The following ATP2A2 variants were observed in gnomAD, a reference collection of about 807,000 sequenced individuals.
ATP2A2 encodes the protein ATPase sarcoplasmic/endoplasmic reticulum Ca2+ transporting 2.
A neutral mutation model predicts 109.3 loss-of-function variants in ATP2A2; 14 were observed. The observed-to-expected ratio is 0.13, with a 90% CI of 0.08 to 0.20. The LOEUF is 0.20. Ranked by LOEUF, ATP2A2 falls within the 10% of genes least tolerant of loss-of-function variation. The probability of loss-of-function intolerance (pLI) is 1.00; values close to 1 mark genes in which losing one functional copy is unlikely to be tolerated. For synonymous variants in ATP2A2, 506 were observed against 490.9 expected, an observed-to-expected ratio of 1.03 and a Z score of -0.41; for missense variants, 657 against 1,321.6, an observed-to-expected ratio of 0.50 and a Z score of 7.80.
At chr12:110,338,792 CT>C (rs1374360651) in intron 11 of ATP2A2, among the ~76,000 whole-genome samples, 2 of 152,308 alleles carry the variant, frequency 1.3e-5, no homozygotes, top group East Asian at 3.9e-4. Context: ...CCCATAATGA[CT>C]TTTGAGGTCT....
chr12:110,348,415 ATG>A lies in ATP2A2; in HGVS notation c.*1947_*1948del. 1 of 985,454 alleles carries A rather than the reference ATG, an allele frequency of 1.0e-6. No individual in the cohort carries two copies. Among genetic ancestry groups the A allele is most frequent in the South Asian group, 4.7e-5 (1 of 21,282 alleles). The allele number at this position is 985,454 out of a possible 1,614,324, so 61.0% of individuals were successfully genotyped here. A position where few individuals can be genotyped will look rare whatever the true frequency, so the allele number is the denominator to read the frequency against. On this transcript the variant is annotated 3_prime_UTR_variant, in exon 20 of 20. Transcript: ENST00000539276. ...TGAGGCCTCGACTATATTCTTCAAAATGTACTTAGGCTCTGGTTACTGGGATG... is the reference window on the plus strand; with the variant it reads ...TGAGGCCTCGACTATATTCTTCAAAATACTTAGGCTCTGGTTACTGGGATG...
chr12:110,282,158 C>G (rs541686159), intron 1 of ATP2A2, among the ~76,000 whole-genome samples: 1 of 152,178 alleles, frequency 6.6e-6, no homozygotes, highest in African/African-American at 2.4e-5. Context: ...TCTCCAGCAG[C>G]AGCCGGCCCC....
Position 110,324,090 on chromosome 12 carries a change from G to A in ATP2A2, c.544+1018G>A, listed in dbSNP as rs574998857. Among the ~76,000 whole-genome samples, 6 of 152,308 alleles carry A rather than the reference G, an allele frequency of 3.9e-5. 1 individual carries two copies. Among genetic ancestry groups the A allele is most frequent in the Admixed American group, 3.3e-4 (5 of 15,294 alleles). On this transcript the variant is annotated intron_variant, in intron 6 of 19. Transcript: ENST00000539276. ...TGTGATAAAAGCACAATCTAGGGTG[G>A]AGGGTTCATACTAACTGGAAGTAAG...
In ATP2A2 at chr12:110,346,976, T is replaced by A; in HGVS notation, c.*506T>A. 9.1e-7 allele frequency: 1 copy of A among 1,101,288 alleles called. No homozygotes were observed. The highest frequency in any genetic ancestry group is 1.1e-6 in the Non-Finnish European group (1 of 900,152). 68.2% of individuals were successfully genotyped at this position (1,101,288 alleles called of 1,614,324 possible). ...AGAGTCTTGCTACCTCAGTCAGTAT[T>A]GTTTTGGTTTGCTACTTCCCTCACC... On this transcript the variant is annotated 3_prime_UTR_variant, in exon 20 of 20. Transcript: ENST00000539276.
chr12:110,346,262 T>G lies in ATP2A2; in HGVS notation c.2921T>G (p.Leu974Trp). 6.2e-7 allele frequency: 1 copy of G among 1,614,156 alleles called. No homozygotes were observed. The highest frequency in any genetic ancestry group is 8.5e-7 in the Non-Finnish European group (1 of 1,180,022). Residue 974 changes from leucine to tryptophan, a missense_variant, in exon 20 of 20, where the codon TTG becomes TGG. Leu to Trp is a moderately conservative substitution (Grantham distance 61). Transcript: ENST00000539276. ...TQWLMVLKIS[L>W]PVILMDETLK... Reference sequence around the variant, plus strand: ...TGGCTGATGGTGCTGAAAATCTCCTTGCCCGTGATTCTCATGGATGAGACG... The same window carrying G: ...TGGCTGATGGTGCTGAAAATCTCCTGGCCCGTGATTCTCATGGATGAGACG...
chr12:110,340,647 C>A lies in ATP2A2; in HGVS notation c.1762-12C>A. 6.2e-7 allele frequency: 1 copy of A among 1,613,830 alleles called. No individual in the cohort carries two copies. Among genetic ancestry groups the A allele is most frequent in the Non-Finnish European group, 8.5e-7 (1 of 1,179,804 alleles). On this transcript the variant is annotated splice_polypyrimidine_tract_variant and intron_variant, in intron 13 of 19. Coordinates refer to ENST00000539276, the MANE Select transcript of ATP2A2 (RefSeq NM_170665.4). The surrounding 1 kb of genome is among the most constrained non-coding windows in gnomAD (Gnocchi z 6.0). ...CTTGCCACTTTTATTTAAAGTGATG[C>A]TCTTATTTTAGACCAATCTGACCTT...
Position 110,282,458 on chromosome 12 carries a change from C to T in ATP2A2, c.119-146C>T, listed in dbSNP as rs925717503. On this transcript the variant is annotated intron_variant, in intron 1 of 19. Coordinates refer to ENST00000539276, the MANE Select transcript of ATP2A2 (RefSeq NM_170665.4). Reference sequence around the variant, plus strand: ...CCCTCTGCTAAAAAAATCGGATATTCTTATAGCTAGGTCTGTGTTTTAAAG... The same window carrying T: ...CCCTCTGCTAAAAAAATCGGATATTTTTATAGCTAGGTCTGTGTTTTAAAG... The T allele has an allele frequency of 3.1e-5, 35 of 1,135,322 alleles. No homozygotes were observed. The Admixed American group carries it at 3.2e-4, about 10-fold the overall frequency. The allele number at this position is 1,135,322 out of a possible 1,614,324, so 70.3% of individuals were successfully genotyped here.
chr12:110,350,248 C>T lies in ATP2A2; in HGVS notation c.*3778C>T. 6.2e-7 allele frequency: 1 copy of T among 1,614,102 alleles called. No homozygotes were observed. The highest frequency in any genetic ancestry group is 2.2e-5 in the East Asian group (1 of 44,904). On this transcript the variant is annotated 3_prime_UTR_variant, in exon 20 of 20. Transcript: ENST00000539276. ...TTAAATAGGTATTCTAACGTTTCCT[C>T]TCTGTATTTCATGAAGCTGATTTCC...
At chr12:110,291,378 G>A (rs550486543) in intron 3 of ATP2A2, among the ~76,000 whole-genome samples, 33 of 151,266 alleles carry the variant, frequency 2.2e-4, no homozygotes, top group Non-Finnish European at 2.9e-5. Flanking sequence ...TAATTTTTTT[G>A]TATTTTTAGT....
At chr12:110,291,381 T>G (rs373901713) in intron 3 of ATP2A2, among the ~76,000 whole-genome samples, 1 of 150,458 alleles carries the variant, frequency 6.6e-6, no homozygotes, top group South Asian at 2.1e-4. Context: ...TTTTTTTGTA[T>G]TTTTAGTAGA....
intron 11 of ATP2A2, among the ~76,000 whole-genome samples, chr12:110,334,586 CTTTTTTTTT>C (rs67776124): frequency 8.7e-6 from 1 of 114,500 alleles, no homozygotes; most frequent in Admixed American, 9.6e-5. Flanking sequence ...TCAATTAAAC[CTTTTTTTTT>C]TTTTTTTTTT....
At position 110,293,160 on chromosome 12, in the gene ATP2A2, C is replaced by T. The variant is rs533936751; in HGVS notation, c.324+1036C>T. Reference sequence around the variant, plus strand: ...TGGCACGATCTCGGCTCACTGCAACCTCCGCCTCCCAGGTTCAAGCAGTTC... The same window carrying T: ...TGGCACGATCTCGGCTCACTGCAACTTCCGCCTCCCAGGTTCAAGCAGTTC... On this transcript the variant is annotated intron_variant, in intron 4 of 19. Coordinates refer to ENST00000539276, the MANE Select transcript of ATP2A2 (RefSeq NM_170665.4). Among the ~76,000 whole-genome samples, 7 of 152,168 alleles carry T rather than the reference C, an allele frequency of 4.6e-5. No individual in the cohort carries two copies. The South Asian group carries it at 1.2e-3, about 27-fold the overall frequency.
At chr12:110,308,638 T>C (rs989739105) in intron 5 of ATP2A2, among the ~76,000 whole-genome samples, 8 of 152,234 alleles carry the variant, frequency 5.3e-5, no homozygotes, top group Admixed American at 2.6e-4. Flanking sequence ...GTTGAGCCTT[T>C]TAAACTTCCA....
chr12:110,345,068 C>G, intron 17 of ATP2A2, 97 bp downstream of exon 17: 1 of 1,499,476 alleles, frequency 6.7e-7, no homozygotes, highest in African/African-American at 1.4e-5. Flanking sequence ...TCTTAAGACT[C>G]AGACAATAAA....
intron 8 of ATP2A2, chr12:110,331,185 G>A (rs1878300775): frequency 1.3e-5 from 2 of 151,446 alleles, no homozygotes; most frequent in African/African-American, 4.9e-5. Flanking sequence ...GTTGCAGTGA[G>A]CCGAGTCGTG....
At chr12:110,294,000 C>T (rs1407501984) in intron 4 of ATP2A2, among the ~76,000 whole-genome samples, 1 of 150,660 alleles carries the variant, frequency 6.6e-6, no homozygotes, top group Non-Finnish European at 1.5e-5. Flanking sequence ...CCTCAGCTTC[C>T]CGAGTAGCTG....
In ATP2A2 at chr12:110,346,494, T is replaced by G; in HGVS notation, c.*24T>G. 6.2e-7 allele frequency: 1 copy of G among 1,614,004 alleles called. No individual in the cohort carries two copies. On this transcript the variant is annotated 3_prime_UTR_variant, in exon 20 of 20. Coordinates refer to ENST00000539276, the MANE Select transcript of ATP2A2 (RefSeq NM_170665.4). The stretch of plus-strand genomic sequence containing the variant: ...GACTGACAGTTTTCCATAAAGAAGA[T>G]GTTTAACTTAATCAATTAATTTTTT...
At chr12:110,326,254 T>A in intron 6 of ATP2A2, 136 bp from the exon 7 acceptor site, 1 of 764,760 alleles carries the variant, frequency 1.3e-6, no homozygotes, top group Non-Finnish European at 2.3e-6. Context: ...CTCCTTTGAA[T>A]GAATTGGGCC....
rs927214920 is a variant in ATP2A2, at chr12:110,350,731, A to C, written c.*4261A>C. The stretch of plus-strand genomic sequence containing the variant: ...GATCCCTCTCCAGTGACATTGGAAC[A>C]TGCTACTTTTTAATTGGCCCTGTAC... On this transcript the variant is annotated 3_prime_UTR_variant, in exon 20 of 20. Transcript: ENST00000539276. 1 of 243,402 alleles carries C rather than the reference A, an allele frequency of 4.1e-6. No individual in the cohort carries two copies. Among genetic ancestry groups the C allele is most frequent in the Admixed American group, 5.1e-5 (1 of 19,550 alleles). 15.1% of individuals were successfully genotyped at this position (243,402 alleles called of 1,614,324 possible). A position where few individuals can be genotyped will look rare whatever the true frequency, so the allele number is the denominator to read the frequency against.
Sources: allele counts gnomAD v4.1 joint callset (sites outside exome capture counted in the v4.1 genomes callset), GRCh38; gene constraint gnomAD v4.1.1; non-coding constraint Gnocchi (gnomAD v3.1); transcripts MANE v1.5; gene names NCBI Gene and HGNC (gene_info 2026-07-23, HGNC 2026-07-21).